The following HMG20B variants were observed in gnomAD, a reference collection of about 807,000 sequenced individuals.
The protein encoded by HMG20B is SWI/SNF-related matrix-associated actin-dependent regulator of chromatin subfamily E member 1-related.
In HMG20B, 24 loss-of-function variants were observed where a neutral mutation model predicts 41.6. The observed-to-expected ratio is 0.58, with a 90% CI of 0.42 to 0.81. HMG20B has a LOEUF of 0.81. HMG20B is among the 30% of genes least tolerant of loss of function. The pLI is 0.00. For missense variants in HMG20B, 461 were observed against 444.0 expected (o/e 1.04, Z -0.34); for synonymous variants, 251 against 186.6 (o/e 1.34, Z -2.81).
At chr19:3,577,924 A>T in intron 8 of HMG20B, 57 bp from the exon 9 acceptor site, 1 of 1,481,890 alleles carries the variant, frequency 6.7e-7, no homozygotes, top group Non-Finnish European at 9.0e-7. Flanking sequence ...CTGCCCCTGG[A>T]GCCCCCGCCC....
At chr19:3,577,226 C>A in intron 8 of HMG20B, 119 bp downstream of exon 8, 3 of 734,806 alleles carry the variant, frequency 4.1e-6, no homozygotes, top group Non-Finnish European at 2.1e-6. Context: ...CCCGTCCCCT[C>A]TTCCCCAGTC....
At chr19:3,578,262 G>T in intron 9 of HMG20B, 149 bp downstream of exon 9, 2 of 1,225,642 alleles carry the variant, frequency 1.6e-6, no homozygotes, top group Non-Finnish European at 2.3e-6. Flanking sequence ...GGTCGCCCCT[G>T]ATGCACCAGT....
intron 3 of HMG20B, 50 bp downstream of exon 3, chr19:3,573,850 C>T (rs1322457402): frequency 1.4e-6 from 2 of 1,466,462 alleles, no homozygotes; most frequent in Non-Finnish European, 1.9e-6. Context: ...CCCGCCCCAG[C>T]CTCGAAGCCC....
chr19:3,575,007 C>T (rs536611375), intron 4 of HMG20B, among the ~76,000 whole-genome samples: 4 of 152,308 alleles, frequency 2.6e-5, no homozygotes, highest in African/African-American at 9.6e-5. Flanking sequence ...GCGTTAGCCA[C>T]CGTGGCCAGC....
At chr19:3,576,532 C>A (rs1248835897) in intron 6 of HMG20B, 21 bp from the exon 7 acceptor site, 1 of 1,607,354 alleles carries the variant, frequency 6.2e-7, no homozygotes, top group Non-Finnish European at 8.5e-7. Flanking sequence ...AGTAAATTGC[C>A]ACCTTGTCCC....
intron 4 of HMG20B, 179 bp from the exon 5 acceptor site, chr19:3,575,361 G>C (rs2032134462): frequency 5.8e-6 from 6 of 1,041,940 alleles, no homozygotes; most frequent in Non-Finnish European, 8.0e-6. Flanking sequence ...TGGGAAGTGA[G>C]GTGGGAGCTC....
intron 4 of HMG20B, 108 bp downstream of exon 4, chr19:3,574,694 G>A: frequency 6.4e-6 from 6 of 942,880 alleles, no homozygotes; most frequent in Non-Finnish European, 9.2e-6. Flanking sequence ...TCTTCCTGGA[G>A]AAATGCCCAC....
At chr19:3,574,685 C>T (rs1291013715) in intron 4 of HMG20B, 99 bp downstream of exon 4, 9 of 1,065,220 alleles carry the variant, frequency 8.4e-6, no homozygotes, top group Admixed American at 3.0e-5. Flanking sequence ...GTTTTTCCTT[C>T]TTCCTGGAGA....
At position 3,578,442 on chromosome 19, in the gene HMG20B, C is replaced by G. The variant is rs994674525; in HGVS notation, c.942-67C>G. 4.8e-6 allele frequency: 7 copies of G among 1,459,734 alleles called. No homozygotes were observed. The African/African-American group carries it at 7.2e-5, about 15-fold the overall frequency. The allele number at this position is 1,459,734 out of a possible 1,614,324, so 90.4% of individuals were successfully genotyped here. On this transcript the variant is annotated intron_variant, in intron 9 of 9. Coordinates refer to ENST00000333651, the MANE Select transcript of HMG20B (RefSeq NM_006339.3). The stretch of plus-strand genomic sequence containing the variant: ...CTGATGGGCCATGGTCTCTGGGGTT[C>G]CCCAGGGCCGGGGTGGGGGCCAGAG...
intron 8 of HMG20B, 58 bp downstream of exon 8, chr19:3,577,165 C>A: frequency 8.4e-7 from 1 of 1,193,210 alleles, no homozygotes; most frequent in Non-Finnish European, 1.1e-6. Flanking sequence ...GCCCGCCTCC[C>A]CCCCCCTCCT....
At position 3,578,921 on chromosome 19, in the gene HMG20B, G is replaced by A. The variant is rs1326500033; in HGVS notation, c.*400G>A. 2.1e-6 allele frequency: 1 copy of A among 474,218 alleles called. No individual in the cohort carries two copies. The highest frequency in any genetic ancestry group is 4.1e-6 in the Non-Finnish European group (1 of 243,160). 29.4% of individuals were successfully genotyped at this position (474,218 alleles called of 1,614,324 possible). A position where few individuals can be genotyped will look rare whatever the true frequency, so the allele number is the denominator to read the frequency against. ...AGGCCACACAGGAAGCTGCCTTGTG[G>A]GGACTTACCTGGGGTGTCCCCCGCA... On this transcript the variant is annotated 3_prime_UTR_variant, in exon 10 of 10. Transcript: ENST00000333651.
chr19:3,574,336 C>T (rs1371004362), intron 3 of HMG20B, 47 bp from the exon 4 acceptor site: 3 of 1,528,690 alleles, frequency 2.0e-6, no homozygotes, highest in Non-Finnish European at 2.7e-6. Flanking sequence ...TGAGCCCTGC[C>T]CCAGTACGCC....
Position 3,578,813 on chromosome 19 carries a change from C to T in HMG20B, c.*292C>T, listed in dbSNP as rs766468119. 5.7e-6 allele frequency: 4 copies of T among 700,466 alleles called. No homozygotes were observed. Among genetic ancestry groups the T allele is most frequent in the Non-Finnish European group, 7.9e-6 (3 of 381,402 alleles). The allele number at this position is 700,466 out of a possible 1,614,324, so 43.4% of individuals were successfully genotyped here. Reference sequence around the variant, plus strand: ...CGCGCTACACTGGCTCTCCGGGCCACCCCCAGGACACAGGGCAGACGAAAC... The same window carrying T: ...CGCGCTACACTGGCTCTCCGGGCCATCCCCAGGACACAGGGCAGACGAAAC... On this transcript the variant is annotated 3_prime_UTR_variant, in exon 10 of 10. Transcript: ENST00000333651.
rs368559987 is a variant in HMG20B, at chr19:3,576,883, C to A, written c.593-9C>A. 123 of 1,562,594 alleles carry A rather than the reference C, an allele frequency of 7.9e-5. No homozygotes were observed. Among genetic ancestry groups the A allele is most frequent in the East Asian group, 3.8e-4 (16 of 42,000 alleles). On this transcript the variant is annotated splice_polypyrimidine_tract_variant and intron_variant, in intron 7 of 9. Coordinates refer to ENST00000333651, the MANE Select transcript of HMG20B (RefSeq NM_006339.3). ...GGCGCAGGCTTTGACCCCGCTCCCC[C>A]CGGCGCAGCGCGTGAGGCGGAGCTT...
At position 3,577,185 on chromosome 19, in the gene HMG20B, C is replaced by A. The variant is rs868789368; in HGVS notation, c.808+78C>A. 3.7e-5 allele frequency: 40 copies of A among 1,088,776 alleles called. No individual in the cohort carries two copies. In the African/African-American group the frequency reaches 4.7e-4, roughly 13 times the overall value. The allele number at this position is 1,088,776 out of a possible 1,614,324, so 67.4% of individuals were successfully genotyped here. A position where few individuals can be genotyped will look rare whatever the true frequency, so the allele number is the denominator to read the frequency against. On this transcript the variant is annotated intron_variant, in intron 8 of 9. Transcript: ENST00000333651. ...CCTCCCCCCCCCTCCTCCCTTCCCC[C>A]CTTCCCCTGTCGCCCGGCGCCGCCC...
chr19:3,576,006 G>A (rs2032153988), intron 5 of HMG20B: 1 of 581,744 alleles, frequency 1.7e-6, no homozygotes. Context: ...AGCAGTTGGG[G>A]TCCTGCTCTG....
chr19:3,574,363 G>A lies in HMG20B; in HGVS notation c.148-20G>A, dbSNP rs1193453625. ...CAGTACGCCAGGCCCCCCTCCCAAC[G>A]ACGCAGCCCGGTTCTGCAGCCGGTG... On this transcript the variant is annotated intron_variant, in intron 3 of 9. Transcript: ENST00000333651. The A allele has an allele frequency of 7.4e-7, 1 of 1,351,292 alleles. No individual in the cohort carries two copies. Among genetic ancestry groups the A allele is most frequent in the Non-Finnish European group, 9.8e-7 (1 of 1,021,920 alleles). The allele number at this position is 1,351,292 out of a possible 1,614,324, so 83.7% of individuals were successfully genotyped here. A position where few individuals can be genotyped will look rare whatever the true frequency, so the allele number is the denominator to read the frequency against.
At position 3,577,041 on chromosome 19, in the gene HMG20B, C is replaced by T. The variant is rs1186159547; in HGVS notation, c.742C>T (p.Leu248=). 34 of 1,548,700 alleles carry T rather than the reference C, an allele frequency of 2.2e-5. No individual in the cohort carries two copies. Among genetic ancestry groups the T allele is most frequent in the Non-Finnish European group, 2.8e-5 (32 of 1,147,398 alleles). The change falls in exon 8 of 10, where the codon CTG becomes TTG. Residue 248 remains leucine (L), a synonymous_variant. Transcript: ENST00000333651. The part of the protein sequence containing the change: ...LALEERRTLA[L]QQQLQAVRQA... ...GCTGGAGGAGCGGAGGACGCTGGCGCTGCAGCAGCAGCTCCAGGCCGTGCG... is the reference window on the plus strand; with the variant it reads ...GCTGGAGGAGCGGAGGACGCTGGCGTTGCAGCAGCAGCTCCAGGCCGTGCG...
At chr19:3,576,450 C>T in intron 6 of HMG20B, 103 bp from the exon 7 acceptor site, 1 of 1,341,434 alleles carries the variant, frequency 7.5e-7, no homozygotes, top group South Asian at 1.2e-5. Context: ...TGATTGTACT[C>T]CCACCGGGGT....
Sources: allele counts gnomAD v4.1 joint callset (sites outside exome capture counted in the v4.1 genomes callset), GRCh38; gene constraint gnomAD v4.1.1; transcripts MANE v1.5; gene names NCBI Gene and HGNC (gene_info 2026-07-23, HGNC 2026-07-21).